DCUN1D1: variants seen among roughly 807,000 people sequenced by gnomAD.
DCUN1D1 encodes the protein DCN1-like protein 1.
DCUN1D1 carries 3 observed loss-of-function variants against 39.0 expected under a neutral mutation model. The observed-to-expected ratio is 0.08, with a 90% CI of 0.04 to 0.20. DCUN1D1 has a LOEUF of 0.20. DCUN1D1 is among the 10% of genes least tolerant of loss of function. DCUN1D1 has a pLI of 1.00. For missense variants in DCUN1D1, 158 were observed against 302.4 expected (o/e 0.52, Z 3.54); for synonymous variants, 82 against 96.3 (o/e 0.85, Z 0.87).
intron 1 of DCUN1D1, among the ~76,000 whole-genome samples, chr3:182,977,824 G>C (rs1394566370): frequency 6.6e-6 from 1 of 151,942 alleles, no homozygotes; most frequent in African/African-American, 2.4e-5. Context: ...TGGATCACCT[G>C]AAGTCAAGAG....
At chr3:182,977,537 G>A (rs1350335704) in intron 1 of DCUN1D1, among the ~76,000 whole-genome samples, 1 of 151,974 alleles carries the variant, frequency 6.6e-6, no homozygotes, top group Non-Finnish European at 1.5e-5. Flanking sequence ...CTGGGTTCCA[G>A]TGATTCTCCC....
Position 182,947,222 on chromosome 3 carries a change from CA to C in DCUN1D1, c.700+15del. 6.5e-7 allele frequency: 1 copy of C among 1,533,728 alleles called. No individual in the cohort carries two copies. Reference sequence around the variant, plus strand: ...GGCACATTAAAAAAAAGTGGTGTGGCAAAAATTTTCATTACCTTCTTCATCA... The same window carrying C: ...GGCACATTAAAAAAAAGTGGTGTGGCAAAATTTTCATTACCTTCTTCATCA... On this transcript the variant is annotated intron_variant, in intron 6 of 6. Coordinates refer to ENST00000292782, the MANE Select transcript of DCUN1D1 (RefSeq NM_020640.4).
Position 182,945,058 on chromosome 3 carries a change from T to C in DCUN1D1, c.*36A>G. The C allele has an allele frequency of 1.9e-6, 3 of 1,550,658 alleles. No individual in the cohort carries two copies. Among genetic ancestry groups the C allele is most frequent in the Non-Finnish European group, 2.7e-6 (3 of 1,125,312 alleles). On this transcript the variant is annotated 3_prime_UTR_variant, in exon 7 of 7. Coordinates refer to ENST00000292782, the MANE Select transcript of DCUN1D1 (RefSeq NM_020640.4). Reference sequence around the variant, plus strand: ...GTGCAATTTTCTGTTGTATTTATTGTACAGACTATGTACATTCTAGAAGGT... The same window carrying C: ...GTGCAATTTTCTGTTGTATTTATTGCACAGACTATGTACATTCTAGAAGGT...
In DCUN1D1 at chr3:182,945,063, AC is replaced by A; in HGVS notation, c.*30del. 1 of 1,566,376 alleles carries A rather than the reference AC, an allele frequency of 6.4e-7. No individual in the cohort carries two copies. The highest frequency in any genetic ancestry group is 8.8e-7 in the Non-Finnish European group (1 of 1,139,018). Reference sequence around the variant, plus strand: ...ATTTTCTGTTGTATTTATTGTACAGACTATGTACATTCTAGAAGGTTCCTTT... The same window carrying A: ...ATTTTCTGTTGTATTTATTGTACAGATATGTACATTCTAGAAGGTTCCTTT... On this transcript the variant is annotated 3_prime_UTR_variant, in exon 7 of 7. Coordinates refer to ENST00000292782, the MANE Select transcript of DCUN1D1 (RefSeq NM_020640.4).
chr3:182,969,022 A>G (rs1727807237), intron 1 of DCUN1D1, among the ~76,000 whole-genome samples: 1 of 152,254 alleles, frequency 6.6e-6, no homozygotes, highest in Non-Finnish European at 1.5e-5. Context: ...GAGTTCTACC[A>G]GGCCAAGAAC....
At chr3:182,957,585 C>T (rs1727142952) in intron 4 of DCUN1D1, among the ~76,000 whole-genome samples, 1 of 151,858 alleles carries the variant, frequency 6.6e-6, no homozygotes, top group East Asian at 1.9e-4. Context: ...ACGATCATGG[C>T]ACTACAGTCC....
At chr3:182,961,098 T>C (rs184776171) in intron 4 of DCUN1D1, 128 bp downstream of exon 4, 1 of 696,406 alleles carries the variant, frequency 1.4e-6, no homozygotes, top group African/African-American at 1.9e-5. Flanking sequence ...CTGTTTCTAA[T>C]TACTTTTCAA....
chr3:182,973,364 T>C (rs1390009774), intron 1 of DCUN1D1, among the ~76,000 whole-genome samples: 1 of 152,220 alleles, frequency 6.6e-6, no homozygotes, highest in South Asian at 2.1e-4. Flanking sequence ...ATTAATATTT[T>C]CAGATCACCA....
intron 1 of DCUN1D1, among the ~76,000 whole-genome samples, chr3:182,973,286 T>A (rs1349474640): frequency 6.6e-6 from 1 of 152,118 alleles, no homozygotes; most frequent in Non-Finnish European, 1.5e-5. Flanking sequence ...AACAGTGAGA[T>A]TTCATCATGC....
At chr3:182,946,803 T>A (rs373777300) in intron 6 of DCUN1D1, among the ~76,000 whole-genome samples, 2 of 151,960 alleles carry the variant, frequency 1.3e-5, no homozygotes, top group East Asian at 3.9e-4. Flanking sequence ...AGGTATTTCA[T>A]ACATTCAGAA....
Position 182,941,965 on chromosome 3 carries a change from T to C in DCUN1D1, c.*3129A>G, listed in dbSNP as rs1044891690. 9 of 152,132 alleles carry C rather than the reference T, an allele frequency of 5.9e-5. No individual in the cohort carries two copies. Among genetic ancestry groups the C allele is most frequent in the African/African-American group, 2.2e-4 (9 of 41,466 alleles). The allele number at this position is 152,132 out of a possible 1,614,324, so 9.4% of individuals were successfully genotyped here. A position where few individuals can be genotyped will look rare whatever the true frequency, so the allele number is the denominator to read the frequency against. On this transcript the variant is annotated 3_prime_UTR_variant, in exon 7 of 7. Transcript: ENST00000292782. ...TTAGCTACTACTACTCACTTCTTGA[T>C]TATCATCAAATAAAAAATAAATGAA...
At chr3:182,985,672 T>C (rs1184503719) in intron 1 of DCUN1D1, 10 of 152,008 alleles carry the variant, frequency 6.6e-5, no homozygotes, top group Admixed American at 6.6e-4. Context: ...ATAAGAACCA[T>C]TATAAAAGGG....
intron 4 of DCUN1D1, among the ~76,000 whole-genome samples, chr3:182,958,103 C>G (rs1235860788): frequency 6.6e-6 from 1 of 151,958 alleles, no homozygotes; most frequent in Non-Finnish European, 1.5e-5. Context: ...TCTGCCAAAT[C>G]TTGTAATTTA....
chr3:182,953,931 G>A (rs548713740), intron 4 of DCUN1D1, among the ~76,000 whole-genome samples: 1 of 152,260 alleles, frequency 6.6e-6, no homozygotes, highest in Admixed American at 6.5e-5. Context: ...TTTCACAACA[G>A]ATGATCAGCT....
chr3:182,982,091 A>G (rs766583297), upstream of DCUN1D1, among the ~76,000 whole-genome samples: 1 of 152,168 alleles, frequency 6.6e-6, no homozygotes, highest in Non-Finnish European at 1.5e-5. Context: ...ACTCCATTGA[A>G]ATAATCGTTT....
At chr3:182,946,417 C>T (rs1019705049) in intron 6 of DCUN1D1, among the ~76,000 whole-genome samples, 1 of 151,860 alleles carries the variant, frequency 6.6e-6, no homozygotes, top group Non-Finnish European at 1.5e-5. Context: ...ATTAGGTGAA[C>T]GTGGTGGCAG....
At chr3:182,970,915 C>T (rs1273682760) in intron 1 of DCUN1D1, among the ~76,000 whole-genome samples, 2 of 152,190 alleles carry the variant, frequency 1.3e-5, no homozygotes, top group African/African-American at 4.8e-5. Context: ...AAAATCAATT[C>T]AGCCAATGAG....
rs1016597090 is a variant in DCUN1D1, at chr3:182,939,537, C to T, written c.*5557G>A. 5 of 152,152 alleles carry T rather than the reference C, an allele frequency of 3.3e-5. No individual in the cohort carries two copies. The highest frequency in any genetic ancestry group is 4.4e-5 in the Non-Finnish European group (3 of 68,020). 9.4% of individuals were successfully genotyped at this position (152,152 alleles called of 1,614,324 possible). A position where few individuals can be genotyped will look rare whatever the true frequency, so the allele number is the denominator to read the frequency against. On this transcript the variant is annotated 3_prime_UTR_variant, in exon 7 of 7. Coordinates refer to ENST00000292782, the MANE Select transcript of DCUN1D1 (RefSeq NM_020640.4). Reference sequence around the variant, plus strand: ...TAAGTCAGCAACTAAAGGAACTACACGCAGGTATAAGCTGCAACATGGATG... The same window carrying T: ...TAAGTCAGCAACTAAAGGAACTACATGCAGGTATAAGCTGCAACATGGATG...
chr3:182,973,537 A>G (rs558130329), intron 1 of DCUN1D1, among the ~76,000 whole-genome samples: 2 of 152,322 alleles, frequency 1.3e-5, no homozygotes, highest in African/African-American at 2.4e-5. Context: ...GGCCGGGCGC[A>G]GTGGCTCACG....
Sources: gnomAD v4.1 joint callset for allele counts (sites outside exome capture counted in the v4.1 genomes callset) on GRCh38, gnomAD v4.1.1 for gene constraint, MANE v1.5 for transcripts, NCBI Gene and HGNC (gene_info 2026-07-23, HGNC 2026-07-21) for gene names.